The following STT3B variants were observed in gnomAD, a reference collection of about 807,000 sequenced individuals.
STT3B encodes STT3 oligosaccharyltransferase complex catalytic subunit B, also known as dolichyl-diphosphooligosaccharide--protein glycosyltransferase subunit STT3B.
STT3B carries 29 observed loss-of-function variants against 96.8 expected under a neutral mutation model. That is an observed-to-expected ratio of 0.30 (90% CI 0.22 to 0.41). The LOEUF (loss-of-function observed/expected upper bound fraction) is 0.41. Ranked by LOEUF, STT3B falls within the 10% of genes least tolerant of loss-of-function variation. STT3B has a pLI of 1.00. For synonymous variants in STT3B, 367 were observed against 360.0 expected (o/e 1.02, Z -0.22); for missense variants, 640 against 1,022.3 (o/e 0.63, Z 5.10).
chr3:31,559,179 GTGTGTGTGTGTT>G lies in STT3B; in HGVS notation c.315-17216_315-17205del, dbSNP rs1351097619. Among the ~76,000 whole-genome samples, 52 of 145,282 alleles carry G rather than the reference GTGTGTGTGTGTT, an allele frequency of 3.6e-4. 1 individual carries two copies. In the East Asian group the frequency reaches 8.0e-3, roughly 22 times the overall value. The stretch of plus-strand genomic sequence containing the variant: ...TGTGTGTGTGTGTGTGTGTGTGTGT[GTGTGTGTGTGTT>G]GTCTCTTTCATTTAGTTCTGCTCTG... On this transcript the variant is annotated intron_variant, in intron 1 of 15. Transcript: ENST00000295770.
Position 31,622,078 on chromosome 3 carries a change from A to C in STT3B, c.1328-19A>C. On this transcript the variant is annotated intron_variant, in intron 9 of 15. Coordinates refer to ENST00000295770, the MANE Select transcript of STT3B (RefSeq NM_178862.3). ...AACTTTTTCCCTCCAACATATTGTA[A>C]GAGAATTTGTCTTTGCAGTTGCTCT... 9 of 1,601,806 alleles carry C rather than the reference A, an allele frequency of 5.6e-6. No individual in the cohort carries two copies. The highest frequency in any genetic ancestry group is 7.7e-6 in the Non-Finnish European group (9 of 1,168,776).
intron 2 of STT3B, among the ~76,000 whole-genome samples, chr3:31,578,018 A>G (rs934303300): frequency 2.0e-5 from 3 of 152,040 alleles, no homozygotes; most frequent in Non-Finnish European, 2.9e-5. Context: ...TAGGGGTTTC[A>G]CTGGTTTTAG....
chr3:31,605,135 T>C (rs1312383396), intron 5 of STT3B, among the ~76,000 whole-genome samples: 1 of 152,128 alleles, frequency 6.6e-6, no homozygotes, highest in Admixed American at 6.5e-5. Flanking sequence ...TTCAAGAGGC[T>C]AAGAGAGGTG....
intron 3 of STT3B, among the ~76,000 whole-genome samples, chr3:31,589,171 A>G (rs1698611862): frequency 6.6e-6 from 1 of 152,056 alleles, no homozygotes; most frequent in Admixed American, 6.6e-5. Context: ...TTTATACTTA[A>G]GTAATTCATT....
At chr3:31,624,492 A>G (rs1387803230) in intron 11 of STT3B, among the ~76,000 whole-genome samples, 1 of 152,198 alleles carries the variant, frequency 6.6e-6, no homozygotes, top group African/African-American at 2.4e-5. Context: ...AGAATTAGAA[A>G]CCTGGGGCTG....
At chr3:31,563,517 AGTGTTTGAT>A (rs1697929655) in intron 1 of STT3B, among the ~76,000 whole-genome samples, 1 of 152,220 alleles carries the variant, frequency 6.6e-6, no homozygotes, top group Non-Finnish European at 1.5e-5. Context: ...TATGCTAACT[AGTGTTTGAT>A]GTGTTTGTAG....
At chr3:31,624,111 A>G (rs998497238) in intron 11 of STT3B, among the ~76,000 whole-genome samples, 1 of 152,158 alleles carries the variant, frequency 6.6e-6, no homozygotes, top group Non-Finnish European at 1.5e-5. Flanking sequence ...TCAACTATTT[A>G]TCCTTTCAGT....
intron 1 of STT3B, among the ~76,000 whole-genome samples, chr3:31,538,742 G>A (rs1224047512): frequency 6.6e-6 from 1 of 152,096 alleles, no homozygotes; most frequent in Non-Finnish European, 1.5e-5. Flanking sequence ...TAATACTGTT[G>A]AAAGGGGAAA....
At chr3:31,537,453 C>T (rs1390841371) in intron 1 of STT3B, among the ~76,000 whole-genome samples, 2 of 152,124 alleles carry the variant, frequency 1.3e-5, no homozygotes, top group Admixed American at 6.6e-5. Flanking sequence ...ATCACTGTTA[C>T]TGATTGCATT....
intron 1 of STT3B, among the ~76,000 whole-genome samples, chr3:31,558,810 G>C (rs1356216616): frequency 6.6e-6 from 1 of 151,576 alleles, no homozygotes; most frequent in African/African-American, 2.4e-5. Context: ...TTTTTTGTTG[G>C]GAGAACTTCT....
intron 4 of STT3B, 143 bp downstream of exon 4, chr3:31,597,006 C>T: frequency 1.6e-6 from 1 of 644,018 alleles, no homozygotes; most frequent in Non-Finnish European, 2.6e-6. Context: ...CTCCTACTCA[C>T]AGGTCCTGTA....
chr3:31,546,625 G>A (rs1027009285), intron 1 of STT3B, among the ~76,000 whole-genome samples: 1 of 152,134 alleles, frequency 6.6e-6, no homozygotes, highest in African/African-American at 2.4e-5. Flanking sequence ...AATTGTTTAA[G>A]GTCATCTTTG....
At chr3:31,533,650 T>G in intron 1 of STT3B, 1 of 176,068 alleles carries the variant, frequency 5.7e-6, no homozygotes, top group Non-Finnish European at 1.2e-5. Context: ...CCCGCTTTGG[T>G]CGCTGAGTCC....
At chr3:31,547,086 CTG>C (rs1697431803) in intron 1 of STT3B, among the ~76,000 whole-genome samples, 1 of 152,132 alleles carries the variant, frequency 6.6e-6, no homozygotes, top group Non-Finnish European at 1.5e-5. Context: ...TTTTATGTAA[CTG>C]TGACTTTTGC....
chr3:31,627,879 A>T (rs1026188638), intron 13 of STT3B, among the ~76,000 whole-genome samples: 3 of 152,162 alleles, frequency 2.0e-5, no homozygotes, highest in Non-Finnish European at 4.4e-5. Context: ...AATTATTTTT[A>T]AACTTTGTGA....
At chr3:31,585,960 G>A (rs562564521) in intron 3 of STT3B, among the ~76,000 whole-genome samples, 11 of 151,982 alleles carry the variant, frequency 7.2e-5, no homozygotes, top group Non-Finnish European at 1.6e-4. Context: ...ATTTCACTTA[G>A]GTAAATGCAT....
chr3:31,573,575 G>A (rs1197523602), intron 1 of STT3B, among the ~76,000 whole-genome samples: 1 of 152,182 alleles, frequency 6.6e-6, no homozygotes, highest in South Asian at 2.1e-4. Flanking sequence ...TTCAACTTAG[G>A]TGGCGGTAAG....
At chr3:31,543,585 T>G (rs1278243371) in intron 1 of STT3B, among the ~76,000 whole-genome samples, 4 of 152,230 alleles carry the variant, frequency 2.6e-5, no homozygotes, top group African/African-American at 9.6e-5. Context: ...TTTGAAATTT[T>G]GGATTTGACT....
chr3:31,629,219 A>T (rs1252340716), intron 13 of STT3B, 79 bp from the exon 14 acceptor site: 2 of 802,812 alleles, frequency 2.5e-6, no homozygotes, highest in East Asian at 5.2e-5. Flanking sequence ...TTATTCTTAC[A>T]GGGAAATGAA....
Sources: gnomAD v4.1 joint callset for allele counts (sites outside exome capture counted in the v4.1 genomes callset) on GRCh38, gnomAD v4.1.1 for gene constraint, MANE v1.5 for transcripts, NCBI Gene and HGNC (gene_info 2026-07-23, HGNC 2026-07-21) for gene names.